The following DCLK2 variants were observed in gnomAD, a reference collection of about 807,000 sequenced individuals.
The protein encoded by DCLK2 is doublecortin like kinase 2, also known as serine/threonine-protein kinase DCLK2.
DCLK2 carries 31 observed loss-of-function variants against 78.4 expected under a neutral mutation model. That is an observed-to-expected ratio of 0.40 (90% CI 0.30 to 0.53). The LOEUF is 0.53. DCLK2 is among the 20% of genes least tolerant of loss of function. DCLK2 has a pLI of 0.61. For missense variants in DCLK2, 872 were observed against 973.7 expected, an observed-to-expected ratio of 0.90 and a Z score of 1.39; for synonymous variants, 407 against 374.9, an observed-to-expected ratio of 1.09 and a Z score of -0.99.
At chr4:150,145,284 A>G (rs1448182660) in intron 2 of DCLK2, among the ~76,000 whole-genome samples, 4 of 152,126 alleles carry the variant, frequency 2.6e-5, no homozygotes, top group Non-Finnish European at 5.9e-5. Flanking sequence ...CCCAGGGTTT[A>G]CTGGGAGGCA....
chr4:150,079,482 CGGAGCGCCG>C, intron 1 of DCLK2, 34 bp downstream of exon 1: 1 of 1,440,780 alleles, frequency 6.9e-7, no homozygotes, highest in Non-Finnish European at 9.1e-7. Flanking sequence ...GCAGGTGCGG[CGGAGCGCCG>C]GCAGGTGCAG....
At chr4:150,159,360 C>A (rs1024969473) in intron 2 of DCLK2, among the ~76,000 whole-genome samples, 5 of 152,222 alleles carry the variant, frequency 3.3e-5, no homozygotes, top group African/African-American at 1.2e-4. Flanking sequence ...TCTGCTGCAC[C>A]ATTGCATCTG....
chr4:150,130,046 A>G (rs1469424961), intron 2 of DCLK2, among the ~76,000 whole-genome samples: 1 of 152,142 alleles, frequency 6.6e-6, no homozygotes, highest in Non-Finnish European at 1.5e-5. Flanking sequence ...GTATAGGAAA[A>G]TGAGAGAACG....
chr4:150,089,883 G>T (rs1729925626), intron 1 of DCLK2, among the ~76,000 whole-genome samples: 1 of 152,188 alleles, frequency 6.6e-6, no homozygotes, highest in Non-Finnish European at 1.5e-5. Flanking sequence ...GCCGTGTAAT[G>T]AGTCAGTTTT....
intron 4 of DCLK2, among the ~76,000 whole-genome samples, chr4:150,201,963 A>T (rs773397878): frequency 1.3e-5 from 2 of 152,176 alleles, no homozygotes; most frequent in Non-Finnish European, 2.9e-5. Context: ...CCAAAGGTAC[A>T]CATTTTCTGT....
At chr4:150,199,047 C>T in intron 4 of DCLK2, 1 of 1,596,562 alleles carries the variant, frequency 6.3e-7, no homozygotes, top group Non-Finnish European at 8.5e-7. Context: ...GTGGCCACTA[C>T]TCCAGTGCCT....
intron 2 of DCLK2, among the ~76,000 whole-genome samples, chr4:150,110,895 C>T (rs1731644863): frequency 6.6e-6 from 1 of 152,130 alleles, no homozygotes. Flanking sequence ...TTAATGGACA[C>T]TTAGATTGGT....
intron 2 of DCLK2, among the ~76,000 whole-genome samples, chr4:150,116,133 T>C (rs1038246307): frequency 6.6e-6 from 1 of 152,154 alleles, no homozygotes; most frequent in African/African-American, 2.4e-5. Context: ...AACTGTGACT[T>C]TATACCTCGT....
intron 2 of DCLK2, among the ~76,000 whole-genome samples, chr4:150,105,698 A>C (rs931840429): frequency 2.0e-5 from 3 of 152,100 alleles, no homozygotes; most frequent in Non-Finnish European, 4.4e-5. Context: ...AAAAATTGAA[A>C]GTAGAAAATA....
At chr4:150,131,351 A>G (rs1010312386) in intron 2 of DCLK2, among the ~76,000 whole-genome samples, 3 of 152,234 alleles carry the variant, frequency 2.0e-5, no homozygotes, top group African/African-American at 2.4e-5. Context: ...GTTGAATTAC[A>G]TGTCACAAAT....
At chr4:150,250,480 A>C (rs988350352) in intron 15 of DCLK2, among the ~76,000 whole-genome samples, 4 of 152,046 alleles carry the variant, frequency 2.6e-5, no homozygotes, top group African/African-American at 4.8e-5. Flanking sequence ...CCAGCCAGCC[A>C]CCCAGGCAGG....
At chr4:150,159,659 T>G (rs1735563196) in intron 2 of DCLK2, among the ~76,000 whole-genome samples, 1 of 152,218 alleles carries the variant, frequency 6.6e-6, no homozygotes, top group Non-Finnish European at 1.5e-5. Flanking sequence ...AAATCTTCAT[T>G]GACGAAGAGA....
At chr4:150,149,458 C>T (rs980812933) in intron 2 of DCLK2, among the ~76,000 whole-genome samples, 4 of 152,068 alleles carry the variant, frequency 2.6e-5, no homozygotes, top group East Asian at 3.9e-4. Flanking sequence ...GAGTCCTGGG[C>T]ATCCAGTGTC....
rs1560922580 is a variant in DCLK2 at position 150,256,662 on chromosome 4, CCTTT to C, written c.*420_*423del. On this transcript the variant is annotated 3_prime_UTR_variant, in exon 16 of 16. Transcript: ENST00000296550. ...TTATTTAAGTAGACTCAGAACACTC[CCTTT>C]CTTTTCTTTTCTCTCTCTCTCTCTC... 1 of 162,360 alleles carries C rather than the reference CCTTT, an allele frequency of 6.2e-6. No homozygotes were observed. The highest frequency in any genetic ancestry group is 1.3e-5 in the Non-Finnish European group (1 of 77,674). The allele number at this position is 162,360 out of a possible 1,614,324, so 10.1% of individuals were successfully genotyped here. A position where few individuals can be genotyped will look rare whatever the true frequency, so the allele number is the denominator to read the frequency against.
chr4:150,127,504 T>C (rs1176886007), intron 2 of DCLK2, among the ~76,000 whole-genome samples: 2 of 152,212 alleles, frequency 1.3e-5, no homozygotes, highest in Non-Finnish European at 2.9e-5. Context: ...ATGTGGTCAA[T>C]GGGAGCTTCT....
chr4:150,211,558 G>T (rs1740319686), intron 5 of DCLK2, among the ~76,000 whole-genome samples: 1 of 152,064 alleles, frequency 6.6e-6, no homozygotes, highest in Admixed American at 6.6e-5. Flanking sequence ...CAAAATTTCT[G>T]CCCTGGGCTG....
intron 2 of DCLK2, among the ~76,000 whole-genome samples, chr4:150,147,255 G>A (rs1734546775): frequency 6.6e-6 from 1 of 152,174 alleles, no homozygotes; most frequent in African/African-American, 2.4e-5. Flanking sequence ...CTATGATCAT[G>A]CCACTGCCCT....
chr4:150,199,316 C>T lies in DCLK2; in HGVS notation c.961+1213C>T, dbSNP rs76293759. 0.054 allele frequency among the ~76,000 whole-genome samples: 8,146 copies of T among 152,204 alleles called. 253 individuals carry two copies. Among genetic ancestry groups the T allele is most frequent in the Non-Finnish European group, 0.068 (4,617 of 68,012 alleles). On this transcript the variant is annotated intron_variant, in intron 4 of 15. Coordinates refer to ENST00000296550, the MANE Select transcript of DCLK2 (RefSeq NM_001040260.4). The stretch of plus-strand genomic sequence containing the variant: ...TGTCTGTATAGTCAGGAATACAAAG[C>T]GACTGAGGAGGCACATCACCGCAAG...
intron 5 of DCLK2, among the ~76,000 whole-genome samples, chr4:150,211,642 C>T (rs1463981351): frequency 2.0e-5 from 3 of 152,166 alleles, no homozygotes; most frequent in Non-Finnish European, 1.5e-5. Flanking sequence ...GAGTCTCACC[C>T]CATCAATTTT....
Sources: allele counts gnomAD v4.1 joint callset (sites outside exome capture counted in the v4.1 genomes callset), GRCh38; gene constraint gnomAD v4.1.1; transcripts MANE v1.5; gene names NCBI Gene and HGNC (gene_info 2026-07-23, HGNC 2026-07-21).